The following KLRF1 variants were observed in gnomAD, a reference collection of about 807,000 sequenced individuals.
The protein encoded by KLRF1 is killer cell lectin like receptor F1, also known as killer cell lectin-like receptor subfamily F member 1.
KLRF1 carries 27 observed loss-of-function variants against 30.7 expected under a neutral mutation model. That is an observed-to-expected ratio of 0.88 (90% CI 0.65 to 1.21). The LOEUF (loss-of-function observed/expected upper bound fraction) is 1.21, where lower values mean the gene tolerates loss of function less well. Ranked by LOEUF, KLRF1 falls within the 50% of genes most tolerant of loss-of-function variation. KLRF1 has a pLI of 0.00. For synonymous variants in KLRF1, 92 were observed against 89.3 expected, an observed-to-expected ratio of 1.03 and a Z score of -0.17; for missense variants, 246 against 259.3, an observed-to-expected ratio of 0.95 and a Z score of 0.35.
chr12:9,820,839 C>T, the KLRF1 span, among the ~76,000 whole-genome samples: 1 of 152,176 alleles, frequency 6.6e-6, no homozygotes, highest in Non-Finnish European at 1.5e-5. Flanking sequence ...AGTGACCACA[C>T]TGGCCCCTCC....
At chr12:9,813,989 T>TC in the KLRF1 span, among the ~76,000 whole-genome samples, 1 of 152,038 alleles carries the variant, frequency 6.6e-6, no homozygotes, top group Non-Finnish European at 1.5e-5. Context: ...TCATCCTGCC[T>TC]CGGGTCTCAA....
At chr12:9,842,201 ATGAAT>A in intron 4 of KLRF1, 115 bp from the exon 5 acceptor site, 1 of 1,014,082 alleles carries the variant, frequency 9.9e-7, no homozygotes, top group Non-Finnish European at 1.4e-6. Flanking sequence ...TAAGTAAGAT[ATGAAT>A]TGATTACCAT....
In KLRF1 at chr12:9,844,371, G is replaced by A. The variant is rs778667364; in HGVS notation, c.588-47G>A. The A allele has an allele frequency of 6.3e-6, 6 of 951,762 alleles. No individual in the cohort carries two copies. In the South Asian group the frequency reaches 7.0e-5, roughly 11 times the overall value. The allele number at this position is 951,762 out of a possible 1,614,324, so 59.0% of individuals were successfully genotyped here. ...ATATTAGCAGAAGACACAAATGGAT[G>A]TCTTCAGCTACAGTGATTAACAAAG... On this transcript the variant is annotated intron_variant, in intron 5 of 5. Transcript: ENST00000617889.
chr12:9,836,499 G>A (rs1867581591), intron 3 of KLRF1, among the ~76,000 whole-genome samples: 1 of 152,008 alleles, frequency 6.6e-6, no homozygotes, highest in African/African-American at 2.4e-5. Flanking sequence ...CCACCCTGAT[G>A]AAGTTCTATT....
chr12:9,835,853 G>A (rs1398683947), intron 3 of KLRF1, among the ~76,000 whole-genome samples: 1 of 152,054 alleles, frequency 6.6e-6, no homozygotes, highest in African/African-American at 2.4e-5. Flanking sequence ...AAGGAGAAAG[G>A]TTTTTTAAGT....
At chr12:9,830,997 G>T (rs1308820687) in intron 1 of KLRF1, among the ~76,000 whole-genome samples, 1 of 151,456 alleles carries the variant, frequency 6.6e-6, no homozygotes, top group Non-Finnish European at 1.5e-5. Flanking sequence ...TTGAGATGGA[G>T]TCTCGCTCTG....
In KLRF1 at chr12:9,833,341, T is replaced by G. The variant is rs1233222922; in HGVS notation, c.223T>G (p.Cys75Gly). 1 of 1,605,488 alleles carries G rather than the reference T, an allele frequency of 6.2e-7. No individual in the cohort carries two copies. The highest frequency in any genetic ancestry group is 8.5e-7 in the Non-Finnish European group (1 of 1,176,798). Residue 75 changes from cysteine to glycine, a missense_variant, in exon 3 of 6, where the codon TGT (cysteine) becomes GGT (glycine). Cys to Gly is a radical substitution (Grantham distance 159). Coordinates refer to ENST00000617889, the MANE Select transcript of KLRF1 (RefSeq NM_016523.3). Reference sequence around the variant, plus strand: ...ATTGCTAAAATGCCAAAAAGGAAGTTGTTCAAATGCCACTCAGTATGAGGA... The same window carrying G: ...ATTGCTAAAATGCCAAAAAGGAAGTGGTTCAAATGCCACTCAGTATGAGGA... ...GVLLKCQKGS[C>G]SNATQYEDTG...
chr12:9,821,101 A>G, the KLRF1 span, among the ~76,000 whole-genome samples: 4 of 152,172 alleles, frequency 2.6e-5, no homozygotes, highest in East Asian at 1.9e-4. Flanking sequence ...GAAGAAACAA[A>G]GATCCTGAGG....
chr12:9,834,307 C>T (rs763666745), intron 3 of KLRF1, among the ~76,000 whole-genome samples: 4 of 151,942 alleles, frequency 2.6e-5, no homozygotes, highest in African/African-American at 4.8e-5. Flanking sequence ...ACAGGGGATG[C>T]GATGGCTTAG....
chr12:9,817,519 CA>C, the KLRF1 span: 1 of 378,290 alleles, frequency 2.6e-6, no homozygotes. Context: ...TTTGACTTTT[CA>C]AGGTCAAGCA....
chr12:9,837,821 T>A (rs991866219), intron 3 of KLRF1, among the ~76,000 whole-genome samples: 1 of 152,124 alleles, frequency 6.6e-6, no homozygotes, highest in Non-Finnish European at 1.5e-5. Context: ...TAGAAACTCA[T>A]GAAAAACAAA....
the KLRF1 span, among the ~76,000 whole-genome samples, chr12:9,811,337 G>C: frequency 2.1e-4 from 4 of 19,272 alleles, no homozygotes; most frequent in African/African-American, 4.6e-4. Context: ...AAAAAAAAAA[G>C]AGAGAAAACA....
chr12:9,818,525 T>C, the KLRF1 span, among the ~76,000 whole-genome samples: 1 of 152,222 alleles, frequency 6.6e-6, no homozygotes, highest in African/African-American at 2.4e-5. Context: ...AGTATTGATG[T>C]TAGTAGAAGC....
At chr12:9,801,674 G>A in the KLRF1 span, among the ~76,000 whole-genome samples, 12 of 151,924 alleles carry the variant, frequency 7.9e-5, no homozygotes, top group African/African-American at 2.9e-4. Context: ...CATATCCTTT[G>A]CCCACTTTTT....
chr12:9,819,937 C>T, the KLRF1 span, among the ~76,000 whole-genome samples: 1 of 152,250 alleles, frequency 6.6e-6, no homozygotes, highest in Non-Finnish European at 1.5e-5. Context: ...GAGGGAAAGG[C>T]AGGCTGCCAT....
rs1774555981 is a variant in KLRF1 at position 9,841,809 on chromosome 12, T to C, written c.335-3T>C. The C allele has an allele frequency of 6.3e-7, 1 of 1,598,480 alleles. No homozygotes were observed. The highest frequency in any genetic ancestry group is 1.1e-5 in the South Asian group (1 of 89,010). ...TCATTTTGTTTTCTACATTTCTCTG[T>C]AGTACTATGCCAATCAGAATGGCTC... On this transcript the variant is annotated splice_region_variant and splice_polypyrimidine_tract_variant and intron_variant, in intron 3 of 5. Transcript: ENST00000617889.
chr12:9,809,466 A>G, the KLRF1 span, among the ~76,000 whole-genome samples: 1 of 152,156 alleles, frequency 6.6e-6, no homozygotes, highest in African/African-American at 2.4e-5. Context: ...GATTTGAATT[A>G]GTTGAAACCG....
At chr12:9,812,351 C>T in the KLRF1 span, among the ~76,000 whole-genome samples, 3 of 123,244 alleles carry the variant, frequency 2.4e-5, no homozygotes, top group Non-Finnish European at 3.2e-5. Context: ...GGCGACAGAG[C>T]GAGACGCCGT....
At chr12:9,839,948 A>G (rs911705421) in intron 3 of KLRF1, among the ~76,000 whole-genome samples, 1 of 152,256 alleles carries the variant, frequency 6.6e-6, no homozygotes, top group Non-Finnish European at 1.5e-5. Flanking sequence ...AGCAGCTCAG[A>G]TGTCCATCAG....
Sources: gnomAD v4.1 joint callset for allele counts (sites outside exome capture counted in the v4.1 genomes callset) on GRCh38, gnomAD v4.1.1 for gene constraint, MANE v1.5 for transcripts, NCBI Gene and HGNC (gene_info 2026-07-23, HGNC 2026-07-21) for gene names.